C1QTNF3: variants seen among roughly 807,000 people sequenced by gnomAD.
The protein encoded by C1QTNF3 is complement C1q tumor necrosis factor-related protein 3.
In C1QTNF3, 26 loss-of-function variants were observed where a neutral mutation model predicts 32.6. The ratio of observed to expected loss-of-function variants is 0.80; its 90% CI spans 0.58 to 1.11. The LOEUF (loss-of-function observed/expected upper bound fraction) is 1.11, where lower values mean the gene tolerates loss of function less well. Ranked by LOEUF, C1QTNF3 falls within the 50% of genes least tolerant of loss-of-function variation. The probability of loss-of-function intolerance (pLI) is 0.00; values close to 1 mark genes in which losing one functional copy is unlikely to be tolerated. For missense variants in C1QTNF3, 362 were observed against 398.2 expected (o/e 0.91, Z 0.77); for synonymous variants, 155 against 146.0 (o/e 1.06, Z -0.44).
At chr5:34,070,598 T>C in the C1QTNF3 span, among the ~76,000 whole-genome samples, 3 of 152,296 alleles carry the variant, frequency 2.0e-5, no homozygotes, top group Non-Finnish European at 4.4e-5. Context: ...AAAAATTCTA[T>C]ATTGTTAAAT....
At chr5:34,076,959 G>C in the C1QTNF3 span, among the ~76,000 whole-genome samples, 1 of 151,730 alleles carries the variant, frequency 6.6e-6, no homozygotes, top group East Asian at 1.9e-4. Flanking sequence ...TTAACAGGCA[G>C]GATAGGTAAC....
chr5:34,067,322 C>T, the C1QTNF3 span, among the ~76,000 whole-genome samples: 1 of 152,360 alleles, frequency 6.6e-6, no homozygotes, highest in East Asian at 1.9e-4. Context: ...TTTTAAGCAA[C>T]ACCCCACTCT....
At chr5:34,232,815 C>G in the C1QTNF3 span, among the ~76,000 whole-genome samples, 1 of 152,150 alleles carries the variant, frequency 6.6e-6, no homozygotes, top group Non-Finnish European at 1.5e-5. Flanking sequence ...GGTTAGCAAT[C>G]TTAAAGAATA....
At chr5:34,224,137 C>T in the C1QTNF3 span, among the ~76,000 whole-genome samples, 2 of 152,078 alleles carry the variant, frequency 1.3e-5, no homozygotes, top group African/African-American at 4.8e-5. Flanking sequence ...AACCACTGCT[C>T]AATGAAATAA....
chr5:34,212,430 T>C, the C1QTNF3 span, among the ~76,000 whole-genome samples: 2 of 151,918 alleles, frequency 1.3e-5, no homozygotes, highest in Non-Finnish European at 2.9e-5. Context: ...AAAGAGCTTC[T>C]GCACAGCAAA....
the C1QTNF3 span, among the ~76,000 whole-genome samples, chr5:34,134,130 T>C: frequency 1.3e-5 from 2 of 152,170 alleles, no homozygotes; most frequent in Admixed American, 1.3e-4. Flanking sequence ...TTTTTTAGTA[T>C]AATATGAACT....
the C1QTNF3 span, among the ~76,000 whole-genome samples, chr5:34,141,032 C>T: frequency 9.2e-5 from 14 of 152,136 alleles, no homozygotes; most frequent in African/African-American, 3.4e-4. Context: ...CAAAGTATCA[C>T]GAAGTGAGTG....
At chr5:34,034,415 C>T (rs528389404) in intron 2 of C1QTNF3, among the ~76,000 whole-genome samples, 1 of 152,178 alleles carries the variant, frequency 6.6e-6, no homozygotes, top group Non-Finnish European at 1.5e-5. Flanking sequence ...TAAACTCATT[C>T]ATTAAACAAA....
the C1QTNF3 span, among the ~76,000 whole-genome samples, chr5:34,231,305 A>C: frequency 2.0e-5 from 3 of 152,178 alleles, no homozygotes; most frequent in African/African-American, 7.2e-5. Flanking sequence ...TTCAAAATCA[A>C]CTTAATATGC....
intron 1 of C1QTNF3, among the ~76,000 whole-genome samples, chr5:34,040,181 C>A (rs965688870): frequency 1.3e-5 from 2 of 152,172 alleles, no homozygotes; most frequent in African/African-American, 4.8e-5. Flanking sequence ...CTATTTATGA[C>A]CTCCTTGTTT....
the C1QTNF3 span, among the ~76,000 whole-genome samples, chr5:34,197,173 C>A: frequency 1.3e-5 from 2 of 152,294 alleles, no homozygotes; most frequent in African/African-American, 4.8e-5. Flanking sequence ...CTAATGAAAG[C>A]TATAAAAGTC....
the C1QTNF3 span, among the ~76,000 whole-genome samples, chr5:34,082,070 A>G: frequency 6.6e-6 from 1 of 151,786 alleles, no homozygotes; most frequent in Non-Finnish European, 1.5e-5. Flanking sequence ...ACACATTTTT[A>G]CAGACATACA....
At chr5:34,153,853 T>TAATAA in the C1QTNF3 span, among the ~76,000 whole-genome samples, 4 of 32,872 alleles carry the variant, frequency 1.2e-4, no homozygotes, top group African/African-American at 3.7e-4. Flanking sequence ...ACTTAGAGTA[T>TAATAA]AAAAAAAAAA....
the C1QTNF3 span, among the ~76,000 whole-genome samples, chr5:34,057,385 G>A: frequency 6.6e-6 from 1 of 152,104 alleles, no homozygotes; most frequent in Non-Finnish European, 1.5e-5. Flanking sequence ...AAGCAGAGAA[G>A]GGTGACTATG....
At chr5:34,051,520 C>A in the C1QTNF3 span, among the ~76,000 whole-genome samples, 1 of 152,088 alleles carries the variant, frequency 6.6e-6, no homozygotes, top group Admixed American at 6.5e-5. Flanking sequence ...AAAATATAAA[C>A]CAAATTAATG....
chr5:34,112,754 G>C, the C1QTNF3 span, among the ~76,000 whole-genome samples: 1 of 152,186 alleles, frequency 6.6e-6, no homozygotes, highest in African/African-American at 2.4e-5. Context: ...GAGCTTAGCA[G>C]GGGTTGTGGC....
At chr5:34,125,878 T>C in the C1QTNF3 span, among the ~76,000 whole-genome samples, 1 of 152,222 alleles carries the variant, frequency 6.6e-6, no homozygotes, top group South Asian at 2.1e-4. Context: ...ATTTAGCTTT[T>C]ATTATAGGCT....
chr5:34,043,376 C>T (rs1754923212), upstream of C1QTNF3: 4 of 492,312 alleles, frequency 8.1e-6, no homozygotes, highest in Middle Eastern at 5.3e-4. Context: ...TCCCAGTTGG[C>T]GAAATTCATA....
At chr5:34,042,506 C>T (rs139765422) in intron 1 of C1QTNF3, among the ~76,000 whole-genome samples, 3 of 152,252 alleles carry the variant, frequency 2.0e-5, no homozygotes, top group East Asian at 1.9e-4. Flanking sequence ...CACTCCTTTC[C>T]GGACCAACAG....
Sources: allele counts gnomAD v4.1 joint callset (sites outside exome capture counted in the v4.1 genomes callset), GRCh38; gene constraint gnomAD v4.1.1; transcripts MANE v1.5; gene names NCBI Gene and HGNC (gene_info 2026-07-23, HGNC 2026-07-21).